The following ST18 variants were observed in gnomAD, a reference collection of about 807,000 sequenced individuals.
ST18 encodes suppression of tumorigenicity 18 protein.
Under a neutral mutation model 110.0 loss-of-function variants are expected in ST18, and 50 were observed. That is an observed-to-expected ratio of 0.45 (90% CI 0.36 to 0.58). The LOEUF (loss-of-function observed/expected upper bound fraction) is 0.58. ST18 is among the 20% of genes least tolerant of loss of function. The probability of loss-of-function intolerance (pLI) is 0.00; values close to 1 mark genes in which losing one functional copy is unlikely to be tolerated. For synonymous variants in ST18, 461 were observed against 452.4 expected (o/e 1.02, Z -0.24); for missense variants, 1,306 against 1,280.1 (o/e 1.02, Z -0.31).
At chr8:52,241,693 G>GC (rs911927449) in intron 2 of ST18, among the ~76,000 whole-genome samples, 1 of 152,164 alleles carries the variant, frequency 6.6e-6, no homozygotes, top group Admixed American at 6.5e-5. Flanking sequence ...TAAATAACTT[G>GC]CTCACAATGT....
chr8:52,168,549 G>A (rs531389565), intron 10 of ST18, among the ~76,000 whole-genome samples: 2 of 152,174 alleles, frequency 1.3e-5, no homozygotes, highest in East Asian at 1.9e-4. Flanking sequence ...CAGCAGAAGC[G>A]GAAGAGCCAA....
intron 15 of ST18, chr8:52,154,586 C>T (rs2059576772): frequency 6.6e-6 from 1 of 152,158 alleles, no homozygotes; most frequent in African/African-American, 2.4e-5. Context: ...CCCAGCAGAC[C>T]CAGGACTCTC....
chr8:52,357,671 CTATAAATATATATATA>C (rs1466061461), intron 2 of ST18, among the ~76,000 whole-genome samples: 5 of 59,990 alleles, frequency 8.3e-5, no homozygotes, highest in African/African-American at 2.1e-4. Context: ...TCCCCAAAAT[CTATAAATATATATATA>C]TATATATATA....
intron 2 of ST18, among the ~76,000 whole-genome samples, chr8:52,241,508 C>T (rs941461265): frequency 5.9e-5 from 9 of 152,224 alleles, no homozygotes; most frequent in Non-Finnish European, 1.0e-4. Context: ...TGCAAACCTG[C>T]CCTAGCATGT....
chr8:52,192,552 T>C (rs1296346755), intron 8 of ST18, among the ~76,000 whole-genome samples: 1 of 152,206 alleles, frequency 6.6e-6, no homozygotes, highest in African/African-American at 2.4e-5. Context: ...CATGGAGGCA[T>C]AGCTGAGAGG....
chr8:52,315,283 AT>A (rs1287350866), intron 2 of ST18, among the ~76,000 whole-genome samples: 1 of 152,192 alleles, frequency 6.6e-6, no homozygotes, highest in African/African-American at 2.4e-5. Flanking sequence ...AGAAGAGGCT[AT>A]TTATTAAAAG....
chr8:52,357,507 A>G (rs1203579843), intron 2 of ST18, among the ~76,000 whole-genome samples: 1 of 151,204 alleles, frequency 6.6e-6, no homozygotes, highest in Non-Finnish European at 1.5e-5. Flanking sequence ...GCAAATAGTA[A>G]CTGAAAGAGA....
chr8:52,168,587 G>A (rs1186796893), intron 10 of ST18, among the ~76,000 whole-genome samples: 1 of 152,046 alleles, frequency 6.6e-6, no homozygotes, highest in Non-Finnish European at 1.5e-5. Context: ...CTGCGCTGAG[G>A]GTCAGGGAGG....
intron 2 of ST18, among the ~76,000 whole-genome samples, chr8:52,366,813 C>A (rs1377580431): frequency 1.3e-5 from 2 of 152,178 alleles, no homozygotes; most frequent in Admixed American, 6.5e-5. Context: ...GTAATGTAAA[C>A]CCCATGAGTT....
intron 25 of ST18, among the ~76,000 whole-genome samples, 168 bp downstream of exon 25, chr8:52,116,107 T>G (rs142899497): frequency 2.6e-5 from 4 of 152,306 alleles, no homozygotes; most frequent in Admixed American, 1.3e-4. Context: ...GTATCTACCA[T>G]GTTCCCAGAG....
At chr8:52,133,428 G>C (rs2050593599) in intron 19 of ST18, 127 bp from the exon 20 acceptor site, 2 of 1,093,868 alleles carry the variant, frequency 1.8e-6, no homozygotes, top group Non-Finnish European at 2.7e-6. Flanking sequence ...CACGTGGAGG[G>C]AGGCGGGGTC....
chr8:52,290,000 G>C lies in ST18; in HGVS notation c.-464-59923C>G, dbSNP rs553087183. On this transcript the variant is annotated intron_variant, in intron 2 of 25. Transcript: ENST00000689386. ...GCCTGAGATCATGGAGTCAGTTAAA[G>C]GTGCAGCAAGGATTGGAACACAGGT... 2.0e-5 allele frequency among the ~76,000 whole-genome samples: 3 copies of C among 152,124 alleles called. No homozygotes were observed. In the East Asian group the frequency reaches 5.8e-4, roughly 29 times the overall value.
chr8:52,318,449 G>A (rs2096067332), intron 2 of ST18, among the ~76,000 whole-genome samples: 1 of 152,178 alleles, frequency 6.6e-6, no homozygotes, highest in African/African-American at 2.4e-5. Flanking sequence ...CACTGTTGGT[G>A]GGAGTGTAAA....
At chr8:52,396,241 A>T (rs962878084) in intron 2 of ST18, among the ~76,000 whole-genome samples, 1 of 152,128 alleles carries the variant, frequency 6.6e-6, no homozygotes, top group Non-Finnish European at 1.5e-5. Flanking sequence ...AGACTTTTTC[A>T]TTCTACATAT....
chr8:52,277,376 T>A (rs944189384), intron 2 of ST18, among the ~76,000 whole-genome samples: 1 of 152,244 alleles, frequency 6.6e-6, no homozygotes, highest in African/African-American at 2.4e-5. Flanking sequence ...GTGGAAATCA[T>A]GGATCTTTTC....
chr8:52,170,807 C>T (rs533406253), intron 10 of ST18, among the ~76,000 whole-genome samples: 2 of 152,270 alleles, frequency 1.3e-5, no homozygotes, highest in South Asian at 4.1e-4. Flanking sequence ...AGATGCAAGA[C>T]ATTATTTGTC....
chr8:52,157,013 G>A (rs573841642), intron 15 of ST18, among the ~76,000 whole-genome samples: 9 of 152,114 alleles, frequency 5.9e-5, no homozygotes, highest in Admixed American at 1.3e-4. Flanking sequence ...GGCGTGCGGC[G>A]AGCTCCTGTC....
chr8:52,397,226 G>A (rs899167248), intron 2 of ST18, among the ~76,000 whole-genome samples: 8 of 152,110 alleles, frequency 5.3e-5, no homozygotes, highest in African/African-American at 1.9e-4. Flanking sequence ...TTTCCTTGAT[G>A]ACTAGTAATG....
Position 52,118,290 on chromosome 8 carries a change from C to G in ST18, c.2859+48G>C, listed in dbSNP as rs115719971. 2,928 of 1,292,528 alleles carry G rather than the reference C, an allele frequency of 2.3e-3. 7 individuals carry two copies. Among genetic ancestry groups the G allele is most frequent in the Middle Eastern group, 0.017 (78 of 4,682 alleles). 80.1% of individuals were successfully genotyped at this position (1,292,528 alleles called of 1,614,324 possible). ...TAAAATTTCAATGTTTTGTTTCCAC[C>G]AAAGATTATGATTACATTAAGGATC... On this transcript the variant is annotated intron_variant, in intron 24 of 25. Coordinates refer to ENST00000689386, the MANE Select transcript of ST18 (RefSeq NM_001352837.2).
Sources: allele counts gnomAD v4.1 joint callset (sites outside exome capture counted in the v4.1 genomes callset), GRCh38; gene constraint gnomAD v4.1.1; transcripts MANE v1.5; gene names NCBI Gene and HGNC (gene_info 2026-07-23, HGNC 2026-07-21).